OPCML: variants seen among roughly 807,000 people sequenced by gnomAD.
The protein encoded by OPCML is opioid binding protein/cell adhesion molecule like, also known as opioid-binding protein/cell adhesion molecule.
OPCML carries 13 observed loss-of-function variants against 37.8 expected under a neutral mutation model. The ratio of observed to expected loss-of-function variants is 0.34; its 90% CI spans 0.22 to 0.55. The LOEUF is 0.55. Ranked by LOEUF, OPCML falls within the 20% of genes least tolerant of loss-of-function variation. OPCML has a pLI of 0.91. For missense variants in OPCML, 341 were observed against 435.6 expected (o/e 0.78, Z 1.93); for synonymous variants, 176 against 168.8 (o/e 1.04, Z -0.33).
At chr11:133,168,609 T>C (rs968500020) in intron 1 of OPCML, among the ~76,000 whole-genome samples, 4 of 152,228 alleles carry the variant, frequency 2.6e-5, no homozygotes, top group Admixed American at 6.5e-5. Context: ...TGAGTTGTTT[T>C]GTAGCTAGCC....
At chr11:132,998,565 C>A (rs1242082997) in intron 1 of OPCML, among the ~76,000 whole-genome samples, 2 of 152,174 alleles carry the variant, frequency 1.3e-5, no homozygotes, top group Non-Finnish European at 2.9e-5. Context: ...CAACACAATT[C>A]ATGTTGTCGT....
At chr11:132,998,026 C>A (rs1313209351) in intron 1 of OPCML, among the ~76,000 whole-genome samples, 1 of 152,124 alleles carries the variant, frequency 6.6e-6, no homozygotes, top group Non-Finnish European at 1.5e-5. Flanking sequence ...CTGTCATATG[C>A]CACAAAATTG....
At chr11:133,410,020 A>T (rs1197956518) in intron 1 of OPCML, among the ~76,000 whole-genome samples, 1 of 152,082 alleles carries the variant, frequency 6.6e-6, no homozygotes, top group Non-Finnish European at 1.5e-5. Flanking sequence ...AGTCAGGAAG[A>T]AGCTGATTGA....
chr11:132,766,466 A>G (rs1390759069), intron 2 of OPCML, among the ~76,000 whole-genome samples: 1 of 152,220 alleles, frequency 6.6e-6, no homozygotes, highest in Admixed American at 6.5e-5. Flanking sequence ...TGTATATGGT[A>G]TTCCTGCCCA....
chr11:132,528,420 T>C (rs1053526168), intron 4 of OPCML, among the ~76,000 whole-genome samples: 3 of 152,216 alleles, frequency 2.0e-5, no homozygotes, highest in Admixed American at 6.5e-5. Context: ...CTCTTCAAGT[T>C]TGACTTGGGG....
At chr11:133,270,275 T>C (rs1402691641) in intron 1 of OPCML, among the ~76,000 whole-genome samples, 5 of 152,246 alleles carry the variant, frequency 3.3e-5, no homozygotes, top group African/African-American at 1.2e-4. Context: ...AAATTCCCAG[T>C]GTTTTCTTCA....
At chr11:132,784,920 C>A (rs891422216) in intron 2 of OPCML, among the ~76,000 whole-genome samples, 12 of 152,154 alleles carry the variant, frequency 7.9e-5, no homozygotes, top group African/African-American at 2.7e-4. Context: ...GTCAAATAAA[C>A]CTCTTTTCTT....
At chr11:133,523,696 G>T (rs988016628) in intron 1 of OPCML, among the ~76,000 whole-genome samples, 11 of 152,200 alleles carry the variant, frequency 7.2e-5, no homozygotes, top group African/African-American at 2.7e-4. Flanking sequence ...TTACCAGGCT[G>T]CCAGCCTCAT....
At position 132,506,849 on chromosome 11, in the gene OPCML, A is replaced by G. The variant is rs186605905; in HGVS notation, c.505+22212T>C. Among the ~76,000 whole-genome samples, 6 of 152,298 alleles carry G rather than the reference A, an allele frequency of 3.9e-5. No individual in the cohort carries two copies. In the East Asian group the frequency reaches 1.2e-3, roughly 29 times the overall value. On this transcript the variant is annotated intron_variant, in intron 4 of 7. Coordinates refer to ENST00000524381, the MANE Select transcript of OPCML (RefSeq NM_001012393.5). ...ACAAAAAGAGGAAAACAAAAAGCTG[A>G]CGAGAAACAAACACATCAGTTTTAA... is the stretch of plus-strand genomic sequence containing the variant.
chr11:133,163,685 G>T lies in OPCML; in HGVS notation c.62-220675C>A, dbSNP rs138846837. ...CTCCAAACATTTCAGTGTGAGTGTTGCAGGAAGGACTAATTTCAGAATGCT... is the reference window on the plus strand; with the variant it reads ...CTCCAAACATTTCAGTGTGAGTGTTTCAGGAAGGACTAATTTCAGAATGCT... On this transcript the variant is annotated intron_variant, in intron 1 of 7. Coordinates refer to ENST00000524381, the MANE Select transcript of OPCML (RefSeq NM_001012393.5). Among the ~76,000 whole-genome samples the T allele has an allele frequency of 3.4e-3, 516 of 152,262 alleles. 2 individuals carry two copies. Among genetic ancestry groups the T allele is most frequent in the African/African-American group, 0.012 (488 of 41,526 alleles).
At position 132,547,747 on chromosome 11, in the gene OPCML, G is replaced by GA. The variant is rs549150559; in HGVS notation, c.380-18562dup. Among the ~76,000 whole-genome samples the GA allele has an allele frequency of 2.3e-4, 35 of 151,736 alleles. 1 individual carries two copies. Among genetic ancestry groups the GA allele is most frequent in the African/African-American group, 5.1e-4 (21 of 41,404 alleles). ...ACACCTCCATCAAGGGGGTGGAGGG[G>GA]AAAAAAAAGTCTCCATCAAGAATGT... On this transcript the variant is annotated intron_variant, in intron 3 of 7. Coordinates refer to ENST00000524381, the MANE Select transcript of OPCML (RefSeq NM_001012393.5).
chr11:133,443,511 C>T (rs954024536), intron 1 of OPCML, among the ~76,000 whole-genome samples: 4 of 152,304 alleles, frequency 2.6e-5, no homozygotes, highest in African/African-American at 4.8e-5. Context: ...TTGAAACATG[C>T]GCAGCATTGC....
At chr11:132,694,488 T>C (rs768208201) in intron 2 of OPCML, among the ~76,000 whole-genome samples, 1 of 152,154 alleles carries the variant, frequency 6.6e-6, no homozygotes, top group Non-Finnish European at 1.5e-5. Flanking sequence ...TGAGCCACCG[T>C]GCCTGGCCAA....
chr11:133,381,994 A>G (rs1043804795), intron 1 of OPCML, among the ~76,000 whole-genome samples: 1 of 152,182 alleles, frequency 6.6e-6, no homozygotes, highest in African/African-American at 2.4e-5. Context: ...GGGAGGCCGG[A>G]GCATCTCAGC....
chr11:133,127,861 T>TA (rs1330372740), intron 1 of OPCML, among the ~76,000 whole-genome samples: 1 of 152,032 alleles, frequency 6.6e-6, no homozygotes, highest in African/African-American at 2.4e-5. Flanking sequence ...ACATAAGAGA[T>TA]AAATGATAAC....
At chr11:132,816,182 A>G (rs1939625350) in intron 2 of OPCML, among the ~76,000 whole-genome samples, 1 of 152,182 alleles carries the variant, frequency 6.6e-6, no homozygotes, top group African/African-American at 2.4e-5. Flanking sequence ...ACTGATTCCA[A>G]CTTCATGGCA....
At chr11:133,247,589 GTCTTTCTT>G (rs1267279445) in intron 1 of OPCML, among the ~76,000 whole-genome samples, 2 of 23,340 alleles carry the variant, frequency 8.6e-5, no homozygotes, top group African/African-American at 4.4e-4. Context: ...TCTTTCATCT[GTCTTTCTT>G]TCTTTCTTTC....
At chr11:132,467,167 G>T (rs2512700) in intron 4 of OPCML, among the ~76,000 whole-genome samples, 283 of 152,242 alleles carry the variant, frequency 1.9e-3, no homozygotes, top group Non-Finnish European at 3.0e-3. Context: ...TAACAGACTC[G>T]TCCACTGGCC....
intron 1 of OPCML, among the ~76,000 whole-genome samples, chr11:133,519,569 G>A (rs932707102): frequency 6.6e-6 from 1 of 151,944 alleles, no homozygotes; most frequent in Non-Finnish European, 1.5e-5. Context: ...GCTTTTACCA[G>A]GGGAAAAAAA....
Sources: allele counts gnomAD v4.1 joint callset (sites outside exome capture counted in the v4.1 genomes callset), GRCh38; gene constraint gnomAD v4.1.1; transcripts MANE v1.5; gene names NCBI Gene and HGNC (gene_info 2026-07-23, HGNC 2026-07-21).